The following STARD13 variants were observed in gnomAD, a reference collection of about 807,000 sequenced individuals.
The protein encoded by STARD13 is stAR-related lipid transfer protein 13.
STARD13 carries 62 observed loss-of-function variants against 106.4 expected under a neutral mutation model. The observed-to-expected ratio is 0.58, with a 90% confidence interval of 0.48 to 0.72. STARD13 has a LOEUF of 0.72. Ranked by LOEUF, STARD13 falls within the 30% of genes least tolerant of loss-of-function variation. The pLI is 0.00. For missense variants in STARD13, 1,387 were observed against 1,424.0 expected, an observed-to-expected ratio of 0.97 and a Z score of 0.42; for synonymous variants, 565 against 553.0, an observed-to-expected ratio of 1.02 and a Z score of -0.31.
At chr13:33,189,749 G>T (rs190330819) in intron 1 of STARD13, among the ~76,000 whole-genome samples, 1 of 151,820 alleles carries the variant, frequency 6.6e-6, no homozygotes, top group East Asian at 2.0e-4. Flanking sequence ...GCTTGACTCA[G>T]TTACTCTCTC....
At chr13:33,317,791 C>T (rs1893396803) in intron 1 of STARD13, among the ~76,000 whole-genome samples, 1 of 152,144 alleles carries the variant, frequency 6.6e-6, no homozygotes, top group African/African-American at 2.4e-5. Context: ...CGGACTTTGT[C>T]TATTCAATTT....
chr13:33,480,495 G>A, the STARD13 span, among the ~76,000 whole-genome samples: 1 of 152,062 alleles, frequency 6.6e-6, no homozygotes, highest in South Asian at 2.1e-4. Context: ...AAACCCGTGT[G>A]CATATGTCAT....
At chr13:33,243,913 T>C (rs954562509) in intron 1 of STARD13, among the ~76,000 whole-genome samples, 3 of 152,064 alleles carry the variant, frequency 2.0e-5, no homozygotes, top group South Asian at 2.1e-4. Context: ...AGGGAGTATA[T>C]GGCTTCCAGG....
At chr13:33,285,395 A>AC in intron 1 of STARD13, 75 bp downstream of exon 1, 1 of 1,481,340 alleles carries the variant, frequency 6.8e-7, no homozygotes, top group Non-Finnish European at 9.1e-7. Context: ...AAACAAACAA[A>AC]AAAAACTGGG....
In STARD13 at chr13:33,271,754, C is replaced by A. The variant is rs546196734; in HGVS notation, c.169+13716G>T. 2.0e-5 allele frequency among the ~76,000 whole-genome samples: 3 copies of A among 151,746 alleles called. No homozygotes were observed. In the South Asian group the frequency reaches 6.3e-4, roughly 32 times the overall value. On this transcript the variant is annotated intron_variant, in intron 1 of 13. Transcript: ENST00000336934. Reference sequence around the variant, plus strand: ...CTGCTGGTGGCACAATGAGGTCCTCCAGCAACATGAGGGGTTGGTGAGGAA... The same window carrying A: ...CTGCTGGTGGCACAATGAGGTCCTCAAGCAACATGAGGGGTTGGTGAGGAA...
chr13:33,557,079 T>C, the STARD13 span, among the ~76,000 whole-genome samples: 1 of 152,222 alleles, frequency 6.6e-6, no homozygotes, highest in Non-Finnish European at 1.5e-5. Context: ...AGAGCACCAA[T>C]GAGTGTACTA....
chr13:33,575,129 A>G, the STARD13 span, among the ~76,000 whole-genome samples: 8 of 151,656 alleles, frequency 5.3e-5, no homozygotes, highest in Non-Finnish European at 1.0e-4. Context: ...TTTTGGTCAG[A>G]CTGGTCTCCA....
At chr13:33,541,250 C>T in the STARD13 span, among the ~76,000 whole-genome samples, 1 of 152,104 alleles carries the variant, frequency 6.6e-6, no homozygotes, top group Non-Finnish European at 1.5e-5. Flanking sequence ...ATTCCATATT[C>T]CACACATTTG....
At chr13:33,463,067 A>T in the STARD13 span, among the ~76,000 whole-genome samples, 3 of 152,224 alleles carry the variant, frequency 2.0e-5, no homozygotes, top group Non-Finnish European at 4.4e-5. Context: ...TAACTGAATA[A>T]GTAAATAGTT....
chr13:33,507,935 T>C, the STARD13 span, among the ~76,000 whole-genome samples: 1 of 152,136 alleles, frequency 6.6e-6, no homozygotes, highest in Non-Finnish European at 1.5e-5. Flanking sequence ...AGGGTTGGTC[T>C]TGCCGTCTCA....
At chr13:33,484,403 A>T in the STARD13 span, among the ~76,000 whole-genome samples, 1 of 152,310 alleles carries the variant, frequency 6.6e-6, no homozygotes, top group East Asian at 1.9e-4. Context: ...TGTAGAATCT[A>T]AAATTGACCT....
intron 1 of STARD13, among the ~76,000 whole-genome samples, chr13:33,316,589 T>C (rs1473800326): frequency 2.6e-5 from 4 of 152,170 alleles, no homozygotes; most frequent in South Asian, 2.1e-4. Context: ...AGGAAGTGAT[T>C]TGCCTGCTGT....
At chr13:33,283,577 A>G (rs1375240981) in intron 1 of STARD13, among the ~76,000 whole-genome samples, 1 of 152,228 alleles carries the variant, frequency 6.6e-6, no homozygotes, top group African/African-American at 2.4e-5. Context: ...AAAGAGTTGT[A>G]TGATGTTAAC....
chr13:33,562,865 A>G, the STARD13 span, among the ~76,000 whole-genome samples: 2 of 147,316 alleles, frequency 1.4e-5, no homozygotes, highest in Non-Finnish European at 3.0e-5. Context: ...ACAACCAAAG[A>G]AACCCTTGCC....
the STARD13 span, among the ~76,000 whole-genome samples, chr13:33,530,756 T>C: frequency 6.6e-6 from 1 of 152,232 alleles, no homozygotes; most frequent in Non-Finnish European, 1.5e-5. Flanking sequence ...AATACCTATA[T>C]GTATTCATTC....
the STARD13 span, among the ~76,000 whole-genome samples, chr13:33,562,166 T>C: frequency 1.4e-5 from 2 of 146,864 alleles, no homozygotes; most frequent in African/African-American, 2.5e-5. Context: ...TTTGAAGATA[T>C]GGGATCAAAA....
chr13:33,672,114 A>C, the STARD13 span, among the ~76,000 whole-genome samples: 1 of 152,350 alleles, frequency 6.6e-6, no homozygotes, highest in East Asian at 1.9e-4. Flanking sequence ...CTTGGAACCA[A>C]CCCAAATGCC....
At chr13:33,631,869 T>G in the STARD13 span, among the ~76,000 whole-genome samples, 4 of 152,162 alleles carry the variant, frequency 2.6e-5, no homozygotes, top group South Asian at 6.2e-4. Flanking sequence ...CGTTAAAAAT[T>G]TTGGTTACAG....
At chr13:33,442,753 G>A in the STARD13 span, among the ~76,000 whole-genome samples, 1 of 152,170 alleles carries the variant, frequency 6.6e-6, no homozygotes, top group Non-Finnish European at 1.5e-5. Context: ...AACATTAGAA[G>A]CAGAGGCATA....
Sources: allele counts gnomAD v4.1 joint callset (sites outside exome capture counted in the v4.1 genomes callset), GRCh38; gene constraint gnomAD v4.1.1; transcripts MANE v1.5; gene names NCBI Gene and HGNC (gene_info 2026-07-23, HGNC 2026-07-21).